CREB3L2: variants seen among roughly 807,000 people sequenced by gnomAD.
The protein encoded by CREB3L2 is cAMP responsive element binding protein 3 like 2, also known as cyclic AMP-responsive element-binding protein 3-like protein 2.
In CREB3L2, 23 loss-of-function variants were observed where a neutral mutation model predicts 57.2. That is an observed-to-expected ratio of 0.40 (90% CI 0.29 to 0.57). The LOEUF is 0.57. Among genes scored for constraint, CREB3L2 ranks in the 20% least tolerant of loss-of-function variants. CREB3L2 has a pLI of 0.42. For synonymous variants in CREB3L2, 268 were observed against 265.1 expected, an observed-to-expected ratio of 1.01 and a Z score of -0.11; for missense variants, 628 against 634.7, an observed-to-expected ratio of 0.99 and a Z score of 0.11.
At chr7:137,908,932 T>C (rs954671157) in intron 4 of CREB3L2, among the ~76,000 whole-genome samples, 5 of 151,908 alleles carry the variant, frequency 3.3e-5, no homozygotes, top group African/African-American at 1.2e-4. Flanking sequence ...GCCGAGATCA[T>C]GCTAAAATAC....
intron 10 of CREB3L2, among the ~76,000 whole-genome samples, chr7:137,882,912 C>T (rs1025844403): frequency 9.9e-5 from 15 of 151,968 alleles, no homozygotes; most frequent in Non-Finnish European, 8.8e-5. Flanking sequence ...TAAAACTCCC[C>T]CCTTACCACC....
At chr7:137,995,333 C>CTTTCTTTTTTTT (rs774300936) in intron 1 of CREB3L2, among the ~76,000 whole-genome samples, 1 of 87,428 alleles carries the variant, frequency 1.1e-5, no homozygotes, top group Non-Finnish European at 2.0e-5. Context: ...TCTTTTCTTT[C>CTTTCTTTTTTTT]TTTTTTTTTT....
intron 7 of CREB3L2, among the ~76,000 whole-genome samples, chr7:137,902,903 A>G (rs1304541056): frequency 1.3e-5 from 2 of 152,118 alleles, no homozygotes; most frequent in African/African-American, 2.4e-5. Context: ...TGCAGCCTCA[A>G]CTTCCTGGGC....
chr7:137,891,625 G>C (rs1278926944), intron 8 of CREB3L2, among the ~76,000 whole-genome samples: 1 of 151,984 alleles, frequency 6.6e-6, no homozygotes, highest in Non-Finnish European at 1.5e-5. Context: ...GCCCAGGCTG[G>C]AGTGCAGTGG....
rs576316200 is a variant in CREB3L2 at position 137,956,658 on chromosome 7, G to T, written c.103-28292C>A. 2.9e-5 allele frequency: 37 copies of T among 1,284,710 alleles called. 4 individuals carry two copies. The South Asian group carries it at 4.6e-4, about 16-fold the overall frequency. The allele number at this position is 1,284,710 out of a possible 1,614,324, so 79.6% of individuals were successfully genotyped here. A position where few individuals can be genotyped will look rare whatever the true frequency, so the allele number is the denominator to read the frequency against. On this transcript the variant is annotated intron_variant, in intron 1 of 11. Coordinates refer to ENST00000330387, the MANE Select transcript of CREB3L2 (RefSeq NM_194071.4). ...GCCAGCAGCCCAGGTAAGCCATATT[G>T]AAACAGCACAATTTAACAATGATAG...
intron 1 of CREB3L2, among the ~76,000 whole-genome samples, chr7:137,933,566 C>T (rs273979): frequency 0.52 from 78,834 of 151,814 alleles, 21,870 homozygotes; most frequent in East Asian, 0.81. Flanking sequence ...ACAAACCATT[C>T]AGCACTAACG....
intron 1 of CREB3L2, among the ~76,000 whole-genome samples, chr7:137,959,758 G>A (rs571350716): frequency 1.2e-4 from 18 of 152,288 alleles, no homozygotes; most frequent in Non-Finnish European, 2.1e-4. Context: ...TATAATAACC[G>A]AATTAAATTA....
At chr7:137,959,577 G>C (rs566018784) in intron 1 of CREB3L2, among the ~76,000 whole-genome samples, 4 of 152,186 alleles carry the variant, frequency 2.6e-5, no homozygotes, top group Non-Finnish European at 4.4e-5. Context: ...AAGTTGTATG[G>C]TGATTTGTTA....
chr7:137,947,479 G>A (rs1260881316), intron 1 of CREB3L2, among the ~76,000 whole-genome samples: 1 of 152,156 alleles, frequency 6.6e-6, no homozygotes, highest in African/African-American at 2.4e-5. Context: ...CCTCAAACTG[G>A]GGGTGTAGTC....
rs550985915 is a variant in CREB3L2, at chr7:137,899,577, G to A, written c.1043+1777C>T. On this transcript the variant is annotated intron_variant, in intron 8 of 11. Transcript: ENST00000330387. ...AATCCCCCCAGGGAGAGGAAGTGGA[G>A]ATAAAAACAGAGGAAGCCCCAGCAG... Among the ~76,000 whole-genome samples the A allele has an allele frequency of 1.9e-4, 29 of 152,198 alleles. No homozygotes were observed. The South Asian group carries it at 5.4e-3, about 28-fold the overall frequency.
chr7:138,000,335 CG>C (rs2117340438), intron 1 of CREB3L2, among the ~76,000 whole-genome samples: 1 of 152,334 alleles, frequency 6.6e-6, no homozygotes, highest in South Asian at 2.1e-4. Context: ...CCCCAACCTC[CG>C]TGCTGCCCAC....
intron 4 of CREB3L2, among the ~76,000 whole-genome samples, chr7:137,908,848 C>G (rs2117209715): frequency 6.6e-6 from 1 of 152,276 alleles, no homozygotes; most frequent in Non-Finnish European, 1.5e-5. Flanking sequence ...TGGCACGTGC[C>G]TATAATCCCA....
intron 8 of CREB3L2, among the ~76,000 whole-genome samples, chr7:137,900,410 G>C (rs1799726965): frequency 6.6e-6 from 1 of 152,296 alleles, no homozygotes; most frequent in South Asian, 2.1e-4. Flanking sequence ...AGTGCTAGAG[G>C]AATTTATCAA....
rs572386209 is a variant in CREB3L2 at position 137,949,912 on chromosome 7, A to C, written c.103-21546T>G. Among the ~76,000 whole-genome samples the C allele has an allele frequency of 6.6e-5, 10 of 152,334 alleles. No individual in the cohort carries two copies. The South Asian group carries it at 1.0e-3, about 16-fold the overall frequency. ...TCAAGATGACTCACTGATTTTCTCT[A>C]AGGATCTATTGATAAGCTCCTTGTC... On this transcript the variant is annotated intron_variant, in intron 1 of 11. Transcript: ENST00000330387.
intron 3 of CREB3L2, among the ~76,000 whole-genome samples, chr7:137,913,696 A>G (rs1430181668): frequency 6.6e-6 from 1 of 151,608 alleles, no homozygotes; most frequent in Non-Finnish European, 1.5e-5. Flanking sequence ...TGCTAACTTT[A>G]TTCTTTATAC....
intron 1 of CREB3L2, among the ~76,000 whole-genome samples, chr7:137,937,639 C>T (rs1242883932): frequency 6.6e-6 from 1 of 152,096 alleles, no homozygotes; most frequent in African/African-American, 2.4e-5. Context: ...AAAATGTAGG[C>T]CCATTACATA....
chr7:137,922,899 C>A (rs1383651730), intron 2 of CREB3L2: 3 of 199,832 alleles, frequency 1.5e-5, no homozygotes, highest in Non-Finnish European at 3.1e-5. Context: ...ATGTAAAAAT[C>A]TCTTAAAGGA....
rs116620623 is a variant in CREB3L2 at position 137,918,092 on chromosome 7, G to A, written c.320-2080C>T. Among the ~76,000 whole-genome samples, 682 of 152,290 alleles carry A rather than the reference G, an allele frequency of 4.5e-3. 3 individuals are homozygous for A. Among genetic ancestry groups the A allele is most frequent in the African/African-American group, 0.015 (632 of 41,558 alleles). On this transcript the variant is annotated intron_variant, in intron 2 of 11. Transcript: ENST00000330387. ...GCTTAGGAGCTAGAAGACAATGTCC[G>A]CTGCAAAGAACACCCGCTTAGGACA...
chr7:137,922,312 C>T (rs1443723000), intron 2 of CREB3L2, among the ~76,000 whole-genome samples: 3 of 147,572 alleles, frequency 2.0e-5, no homozygotes, highest in Non-Finnish European at 3.0e-5. Context: ...ATGTCTTTAA[C>T]CTTGGCAAAA....
Sources: gnomAD v4.1 joint callset for allele counts (sites outside exome capture counted in the v4.1 genomes callset) on GRCh38, gnomAD v4.1.1 for gene constraint, MANE v1.5 for transcripts, NCBI Gene and HGNC (gene_info 2026-07-23, HGNC 2026-07-21) for gene names.